TAS1R2: variants seen among roughly 807,000 people sequenced by gnomAD.
The protein encoded by TAS1R2 is taste receptor type 1 member 2.
TAS1R2 carries 47 observed loss-of-function variants against 49.3 expected under a neutral mutation model. That is an observed-to-expected ratio of 0.95 (90% CI 0.75 to 1.22). The LOEUF (loss-of-function observed/expected upper bound fraction) is 1.22, where lower values mean the gene tolerates loss of function less well. TAS1R2 is among the 50% of genes most tolerant of loss of function. The pLI, the probability that TAS1R2 is intolerant of heterozygous loss-of-function variation, is 0.00. For missense variants in TAS1R2, 1,155 were observed against 1,122.1 expected (o/e 1.03, Z -0.42); for synonymous variants, 479 against 467.9 (o/e 1.02, Z -0.31).
chr1:18,849,702 G>A, intron 3 of TAS1R2, 152 bp from the exon 4 acceptor site: 1 of 858,138 alleles, frequency 1.2e-6, no homozygotes, highest in Non-Finnish European at 1.8e-6. Context: ...TGGCAATTTA[G>A]GAGTCAGTGG....
intron 1 of TAS1R2, 89 bp from the exon 2 acceptor site, chr1:18,857,720 A>G (rs1569682154): frequency 1.4e-6 from 2 of 1,440,736 alleles, no homozygotes; most frequent in Non-Finnish European, 1.9e-6. Flanking sequence ...CCTTCCTGCC[A>G]CAGGAAAGCC....
intron 5 of TAS1R2, among the ~76,000 whole-genome samples, chr1:18,841,494 G>A (rs936455493): frequency 1.3e-5 from 2 of 152,212 alleles, no homozygotes; most frequent in African/African-American, 4.8e-5. Flanking sequence ...GTGGGGGAGT[G>A]TCGTCCCTTC....
Position 18,854,752 on chromosome 1 carries a change from G to A in TAS1R2, c.718C>T (p.Leu240=). The change falls in exon 3 of 6, where the codon CTG becomes TTG. Residue 240 remains leucine (L), a synonymous_variant. Coordinates refer to ENST00000375371, the Ensembl canonical transcript of TAS1R2. The surrounding 1 kb of genome is among the most constrained non-coding windows in gnomAD (Gnocchi z 4.9). ...TTCTGGTTGGGCTGCAGTGTGGGCAGCGTCTCCTGGAAGGCGATGCAGATG... is the reference window on the plus strand; with the variant it reads ...TTCTGGTTGGGCTGCAGTGTGGGCAACGTCTCCTGGAAGGCGATGCAGATG... The A allele has an allele frequency of 6.2e-7, 1 of 1,610,912 alleles. No homozygotes were observed. The highest frequency in any genetic ancestry group is 8.5e-7 in the Non-Finnish European group (1 of 1,179,630).
intron 4 of TAS1R2, among the ~76,000 whole-genome samples, chr1:18,845,033 C>G (rs1933892139): frequency 6.6e-6 from 1 of 152,196 alleles, no homozygotes; most frequent in Admixed American, 6.5e-5. Context: ...GCTGAAAGAT[C>G]TATTACATCA....
chr1:18,854,849 A>T lies in TAS1R2; in HGVS notation c.621T>A (p.Ile207=), dbSNP rs1394076261. Residue 207 remains isoleucine, a synonymous_variant, in exon 3 of 6, where the codon ATT becomes ATA. Transcript: ENST00000375371. The surrounding 1 kb of genome is among the most constrained non-coding windows in gnomAD (Gnocchi z 4.9). ...CATAGGTGTCGCTGCTCACCAGCACAATGATCCAGTTCCAGCGGAAGTGCA... is the reference window on the plus strand; with the variant it reads ...CATAGGTGTCGCTGCTCACCAGCACTATGATCCAGTTCCAGCGGAAGTGCA... 6.2e-7 allele frequency: 1 copy of T among 1,610,418 alleles called. No homozygotes were observed. The highest frequency in any genetic ancestry group is 8.5e-7 in the Non-Finnish European group (1 of 1,179,848).
exon 6 of TAS1R2, chr1:18,840,379 G>C (rs150893486): frequency 1.9e-6 from 3 of 1,614,042 alleles, no homozygotes; most frequent in Non-Finnish European, 2.5e-6. Context: ...GGATGGCCAG[G>C]GTGCTGAGGA....
chr1:18,840,221 C>A (rs777060838), exon 6 of TAS1R2: 19 of 1,614,022 alleles, frequency 1.2e-5, no homozygotes, highest in Non-Finnish European at 1.5e-5. Flanking sequence ...GAGGGCCTGG[C>A]GGCAGAGGCA....
At chr1:18,857,693 A>G in intron 1 of TAS1R2, 62 bp from the exon 2 acceptor site, 1 of 1,545,262 alleles carries the variant, frequency 6.5e-7, no homozygotes, top group Non-Finnish European at 8.7e-7. Flanking sequence ...AAGAGATAAG[A>G]GAACCAGCCC....
intron 4 of TAS1R2, among the ~76,000 whole-genome samples, chr1:18,846,771 G>A (rs1933927730): frequency 6.6e-6 from 1 of 152,232 alleles, no homozygotes. Flanking sequence ...GCAGAGATGG[G>A]GTGGTGATGT....
chr1:18,851,991 G>C (rs1224992530), intron 3 of TAS1R2, among the ~76,000 whole-genome samples: 1 of 152,242 alleles, frequency 6.6e-6, no homozygotes, highest in African/African-American at 2.4e-5. Flanking sequence ...CATGTAAAGA[G>C]GTGAACACCG....
chr1:18,839,795 G>A (rs780192025), exon 6 of TAS1R2: 15 of 1,614,254 alleles, frequency 9.3e-6, no homozygotes, highest in South Asian at 6.6e-5. Flanking sequence ...GGTGCAGAGG[G>A]AGACGGATGA....
In TAS1R2 at chr1:18,854,259, C is replaced by A; in HGVS notation, c.1211G>T (p.Gly404Val). 1 of 1,614,150 alleles carries A rather than the reference C, an allele frequency of 6.2e-7. No individual in the cohort carries two copies. Among genetic ancestry groups the A allele is most frequent in the African/African-American group, 1.3e-5 (1 of 75,052 alleles). Residue 404 changes from glycine (G) to valine (V), a missense_variant, in exon 3 of 6, where the codon GGC (glycine) becomes GTC (valine). Gly to Val is a moderately radical substitution (Grantham distance 109, BLOSUM62 -3). Coordinates refer to ENST00000375371, the Ensembl canonical transcript of TAS1R2. The surrounding 1 kb of genome is among the most constrained non-coding windows in gnomAD (Gnocchi z 4.9). Reference sequence around the variant, plus strand: ...CTTGGTGCAGGTGCTTTTGTCACAGCCGAGGAGGCTGTGCAGGGCATGGGC... The same window carrying A: ...CTTGGTGCAGGTGCTTTTGTCACAGACGAGGAGGCTGTGCAGGGCATGGGC...
At chr1:18,849,757 C>G (rs1933988457) in intron 3 of TAS1R2, among the ~76,000 whole-genome samples, 1 of 152,226 alleles carries the variant, frequency 6.6e-6, no homozygotes, top group Admixed American at 6.5e-5. Context: ...GTTCAGGCCT[C>G]AGCTCTGCCC....
intron 4 of TAS1R2, among the ~76,000 whole-genome samples, chr1:18,844,480 C>T (rs894028540): frequency 6.6e-6 from 1 of 152,158 alleles, no homozygotes; most frequent in Non-Finnish European, 1.5e-5. Context: ...AGCCAGGCAC[C>T]GTGGCTCATG....
At chr1:18,840,619 AAG>A (rs1933806038) in intron 5 of TAS1R2, 92 bp from the exon 6 acceptor site, 1 of 1,389,276 alleles carries the variant, frequency 7.2e-7, no homozygotes, top group Admixed American at 1.9e-5. Context: ...TCCAGGGATG[AAG>A]AGAGAGCACC....
intron 4 of TAS1R2, among the ~76,000 whole-genome samples, chr1:18,846,006 G>T (rs1282247283): frequency 6.6e-6 from 1 of 152,136 alleles, no homozygotes; most frequent in African/African-American, 2.4e-5. Flanking sequence ...GCTCTAAAAA[G>T]TCTGTGACTC....
Position 18,854,829 on chromosome 1 carries a change from G to A in TAS1R2, c.641C>T (p.Thr214Ile), listed in dbSNP as rs768941614. ...CAGCTGGCCATTGTCGCGGCCATAG[G>A]TGTCGCTGCTCACCAGCACAATGAT... Residue 214 changes from threonine (T) to isoleucine (I), a missense_variant, in exon 3 of 6, where the codon ACC becomes ATC. Coordinates refer to ENST00000375371, the Ensembl canonical transcript of TAS1R2. The surrounding 1 kb of genome is among the most constrained non-coding windows in gnomAD (Gnocchi z 4.9). The A allele has an allele frequency of 2.5e-6, 4 of 1,608,078 alleles. No homozygotes were observed. Among genetic ancestry groups the A allele is most frequent in the Admixed American group, 1.7e-5 (1 of 59,806 alleles).
intron 4 of TAS1R2, among the ~76,000 whole-genome samples, chr1:18,843,018 G>A (rs1933855434): frequency 1.3e-5 from 2 of 152,084 alleles, no homozygotes; most frequent in African/African-American, 4.8e-5. Context: ...ATACTTAAGA[G>A]GGAAATTTAT....
At chr1:18,844,288 G>A (rs75377035) in intron 4 of TAS1R2, among the ~76,000 whole-genome samples, 7,593 of 152,264 alleles carry the variant, frequency 0.05, 526 homozygotes, top group African/African-American at 0.15. Flanking sequence ...GGCTTGGCTG[G>A]TTGTTCAGGG....
Sources: allele counts gnomAD v4.1 joint callset (sites outside exome capture counted in the v4.1 genomes callset), GRCh38; gene constraint gnomAD v4.1.1; non-coding constraint Gnocchi (gnomAD v3.1); transcripts MANE v1.5; gene names NCBI Gene and HGNC (gene_info 2026-07-23, HGNC 2026-07-21).